The following CDH4 variants were observed in gnomAD, a reference collection of about 807,000 sequenced individuals.
The protein encoded by CDH4 is cadherin-4.
CDH4 carries 33 observed loss-of-function variants against 86.0 expected under a neutral mutation model. The ratio of observed to expected loss-of-function variants is 0.38; its 90% CI spans 0.29 to 0.51. The LOEUF (loss-of-function observed/expected upper bound fraction) is 0.51, where lower values mean the gene tolerates loss of function less well. Among genes scored for constraint, CDH4 ranks in the 20% least tolerant of loss-of-function variants. CDH4 has a pLI of 0.86. For missense variants in CDH4, 1,114 were observed against 1,307.4 expected (o/e 0.85, Z 2.28); for synonymous variants, 555 against 549.4 (o/e 1.01, Z -0.14).
intron 3 of CDH4, among the ~76,000 whole-genome samples, chr20:61,763,236 C>T (rs1347226379): frequency 6.6e-6 from 1 of 152,102 alleles, no homozygotes; most frequent in Non-Finnish European, 1.5e-5. Context: ...GTAATGACTT[C>T]GACTAGGACA....
At chr20:61,777,250 A>G (rs2145992224) in intron 4 of CDH4, among the ~76,000 whole-genome samples, 1 of 152,184 alleles carries the variant, frequency 6.6e-6, no homozygotes, top group Admixed American at 6.5e-5. Context: ...TTGTTGAGGG[A>G]ATGAATGAGT....
intron 2 of CDH4, among the ~76,000 whole-genome samples, chr20:61,428,541 G>A (rs2085227014): frequency 6.6e-6 from 1 of 152,140 alleles, no homozygotes; most frequent in Admixed American, 6.5e-5. Flanking sequence ...AGACACTGTG[G>A]GCAATTCATA....
chr20:61,275,958 G>A (rs747626215), intron 2 of CDH4, among the ~76,000 whole-genome samples: 2 of 152,176 alleles, frequency 1.3e-5, no homozygotes, highest in Non-Finnish European at 2.9e-5. Context: ...TAGTGTGGCT[G>A]GATTTTGATA....
chr20:61,917,181 G>A (rs1234304331), intron 9 of CDH4, among the ~76,000 whole-genome samples: 1 of 152,166 alleles, frequency 6.6e-6, no homozygotes, highest in African/African-American at 2.4e-5. Context: ...TACCAGCCGG[G>A]GATGAGGAAT....
In CDH4 at chr20:61,677,000, C is replaced by T. The variant is rs1307026873; in HGVS notation, c.170-66563C>T. ...TGTGGTGTGGCCCCAGCAGAGCAGA[C>T]CAGGAGGGTGCTGAGGACCAGACAG... On this transcript the variant is annotated intron_variant, in intron 2 of 15. Coordinates refer to ENST00000614565, the MANE Select transcript of CDH4 (RefSeq NM_001794.5). The surrounding 1 kb of genome is among the most constrained non-coding windows in gnomAD (Gnocchi z 4.5). 6.6e-6 allele frequency among the ~76,000 whole-genome samples: 1 copy of T among 152,146 alleles called. No individual in the cohort carries two copies. The highest frequency in any genetic ancestry group is 2.4e-5 in the African/African-American group (1 of 41,438).
chr20:61,822,897 G>A (rs904675891), intron 4 of CDH4, among the ~76,000 whole-genome samples: 3 of 151,622 alleles, frequency 2.0e-5, no homozygotes, highest in Non-Finnish European at 3.0e-5. Context: ...GGAGCAGGTC[G>A]AAGATCCCAG....
chr20:61,781,277 G>C (rs1287292376), intron 4 of CDH4, among the ~76,000 whole-genome samples: 1 of 151,914 alleles, frequency 6.6e-6, no homozygotes, highest in African/African-American at 2.4e-5. Context: ...CCACAATCAA[G>C]AAAAAAACTG....
At chr20:61,662,416 C>A (rs1207504445) in intron 2 of CDH4, among the ~76,000 whole-genome samples, 1 of 152,232 alleles carries the variant, frequency 6.6e-6, no homozygotes, top group African/African-American at 2.4e-5. Context: ...CCTCAACGTT[C>A]TCAGCTCCGT....
intron 2 of CDH4, among the ~76,000 whole-genome samples, chr20:61,698,552 G>A (rs938271342): frequency 6.6e-6 from 1 of 152,246 alleles, no homozygotes; most frequent in Non-Finnish European, 1.5e-5. Flanking sequence ...CAGCAGCAAA[G>A]GCCTCTCCCA....
chr20:61,271,624 G>A (rs1277719862), intron 2 of CDH4, among the ~76,000 whole-genome samples: 5 of 152,186 alleles, frequency 3.3e-5, no homozygotes, highest in Admixed American at 1.3e-4. Context: ...CATCTCCCAC[G>A]CTCTCCCCCG....
At chr20:61,934,739 C>T (rs2055159517) in intron 15 of CDH4, among the ~76,000 whole-genome samples, 1 of 151,058 alleles carries the variant, frequency 6.6e-6, no homozygotes, top group Non-Finnish European at 1.5e-5. Flanking sequence ...CACCCCACCC[C>T]ACACCCCAAA....
intron 2 of CDH4, among the ~76,000 whole-genome samples, chr20:61,272,310 C>T (rs1457078116): frequency 1.3e-5 from 2 of 152,206 alleles, no homozygotes; most frequent in South Asian, 2.1e-4. Flanking sequence ...CTTCCTCCAG[C>T]CCCAGTGGAA....
chr20:61,525,444 G>A (rs2085902874), intron 2 of CDH4, among the ~76,000 whole-genome samples: 2 of 152,146 alleles, frequency 1.3e-5, no homozygotes, highest in South Asian at 4.1e-4. Context: ...CCCCTCCCAG[G>A]ATACTGAGGA....
intron 2 of CDH4, among the ~76,000 whole-genome samples, chr20:61,458,397 A>G (rs2085422065): frequency 7.1e-6 from 1 of 140,952 alleles, no homozygotes; most frequent in Admixed American, 6.8e-5. Flanking sequence ...GATGGTCATG[A>G]TGGTGATGAC....
chr20:61,316,166 A>G lies in CDH4; in HGVS notation c.169+61229A>G, dbSNP rs147488865. 2.8e-4 allele frequency among the ~76,000 whole-genome samples: 43 copies of G among 152,322 alleles called. No homozygotes were observed. The East Asian group carries it at 8.3e-3, about 29-fold the overall frequency. ...TTTGGGTTAGGATGGGGCAGGTTTC[A>G]GGGCAGTCTATGAAACAAGAAATGG... On this transcript the variant is annotated intron_variant, in intron 2 of 15. Coordinates refer to ENST00000614565, the MANE Select transcript of CDH4 (RefSeq NM_001794.5).
At chr20:61,772,338 T>G (rs1336540009) in intron 3 of CDH4, among the ~76,000 whole-genome samples, 1 of 152,258 alleles carries the variant, frequency 6.6e-6, no homozygotes, top group East Asian at 1.9e-4. Flanking sequence ...GTGTTGCAGA[T>G]TTATTTCGCT....
intron 2 of CDH4, among the ~76,000 whole-genome samples, chr20:61,375,222 T>C (rs2084860388): frequency 6.6e-6 from 1 of 152,240 alleles, no homozygotes; most frequent in Non-Finnish European, 1.5e-5. Flanking sequence ...AGAGTTTGAC[T>C]CTTTTTGTCA....
At chr20:61,891,278 A>G (rs562012412) in intron 7 of CDH4, among the ~76,000 whole-genome samples, 1 of 152,338 alleles carries the variant, frequency 6.6e-6, no homozygotes, top group South Asian at 2.1e-4. Context: ...TGTGGTCAGC[A>G]GAACACAGTC....
chr20:61,815,607 T>C (rs1980677222), intron 4 of CDH4, among the ~76,000 whole-genome samples: 1 of 152,128 alleles, frequency 6.6e-6, no homozygotes, highest in Non-Finnish European at 1.5e-5. Context: ...TGAAACCTCC[T>C]CAGAGTAGAG....
Sources: allele counts gnomAD v4.1 joint callset (sites outside exome capture counted in the v4.1 genomes callset), GRCh38; gene constraint gnomAD v4.1.1; non-coding constraint Gnocchi (gnomAD v3.1); transcripts MANE v1.5; gene names NCBI Gene and HGNC (gene_info 2026-07-23, HGNC 2026-07-21).